Variants in FARS2 observed in about 807,000 individuals in gnomAD.
FARS2 encodes phenylalanyl-tRNA synthetase 2, mitochondrial.
Under a neutral mutation model 46.4 loss-of-function variants are expected in FARS2, and 40 were observed. The ratio of observed to expected loss-of-function variants is 0.86; its 90% CI spans 0.67 to 1.12. The LOEUF (loss-of-function observed/expected upper bound fraction) is 1.12, where lower values mean the gene tolerates loss of function less well. FARS2 is among the 50% of genes most tolerant of loss of function. The probability of loss-of-function intolerance (pLI) is 0.00; values close to 1 mark genes in which losing one functional copy is unlikely to be tolerated. For missense variants in FARS2, 513 were observed against 567.9 expected (o/e 0.90, Z 0.98); for synonymous variants, 234 against 214.9 (o/e 1.09, Z -0.78).
intron 1 of FARS2, among the ~76,000 whole-genome samples, chr6:5,360,372 T>A (rs1394361544): frequency 6.6e-6 from 1 of 152,218 alleles, no homozygotes. Context: ...AACAATCAAA[T>A]GAATGGCTCC....
chr6:5,618,589 A>G (rs1468536321), intron 6 of FARS2, among the ~76,000 whole-genome samples: 1 of 152,200 alleles, frequency 6.6e-6, no homozygotes, highest in African/African-American at 2.4e-5. Flanking sequence ...GCCTAATTTC[A>G]TAATATTAGA....
In FARS2 at chr6:5,630,434, T is replaced by C. The variant is rs529802812; in HGVS notation, c.1217+17114T>C. Among the ~76,000 whole-genome samples, 1 of 152,354 alleles carries C rather than the reference T, an allele frequency of 6.6e-6. No individual in the cohort carries two copies. Among genetic ancestry groups the C allele is most frequent in the South Asian group, 2.1e-4 (1 of 4,826 alleles). On this transcript the variant is annotated intron_variant, in intron 6 of 6. Coordinates refer to ENST00000274680, the MANE Select transcript of FARS2 (RefSeq NM_006567.5). This position sits in a 1 kb window ranked among gnomAD's most constrained non-coding sequence, Gnocchi z 4.2. The stretch of plus-strand genomic sequence containing the variant: ...TTAAATATCCCACCCGTTGTGTCTT[T>C]ACTTGTATTTATTCCACAAATGTTC...
intron 1 of FARS2, among the ~76,000 whole-genome samples, chr6:5,303,274 G>A (rs944105584): frequency 2.0e-5 from 3 of 152,168 alleles, no homozygotes; most frequent in African/African-American, 7.2e-5. Context: ...GTATAAAGAG[G>A]TGCCTGGACA....
At chr6:5,546,358 C>A (rs1369229320) in intron 5 of FARS2, among the ~76,000 whole-genome samples, 2 of 149,292 alleles carry the variant, frequency 1.3e-5, no homozygotes, top group Non-Finnish European at 3.0e-5. Flanking sequence ...TCAAGCAATT[C>A]TCCTGCCTCA....
intron 6 of FARS2, among the ~76,000 whole-genome samples, chr6:5,741,806 AC>A (rs148149996): frequency 6.6e-6 from 1 of 151,600 alleles, no homozygotes; most frequent in African/African-American, 2.4e-5. Context: ...ACATGCCACC[AC>A]CCCCAGTTAA....
At chr6:5,478,455 C>T (rs1333959007) in intron 4 of FARS2, among the ~76,000 whole-genome samples, 1 of 152,178 alleles carries the variant, frequency 6.6e-6, no homozygotes, top group African/African-American at 2.4e-5. Context: ...GAAGCTTAGG[C>T]ACAGAGAGGT....
chr6:5,672,957 A>G (rs1778555969), intron 6 of FARS2, among the ~76,000 whole-genome samples: 1 of 152,142 alleles, frequency 6.6e-6, no homozygotes, highest in African/African-American at 2.4e-5. Context: ...CACCCTAGCC[A>G]TTTGTTAGGG....
chr6:5,487,648 T>C (rs1766855973), intron 4 of FARS2, among the ~76,000 whole-genome samples: 1 of 152,188 alleles, frequency 6.6e-6, no homozygotes, highest in Admixed American at 6.5e-5. Flanking sequence ...GCAGATTCTG[T>C]GGTCTCCCCA....
intron 6 of FARS2, among the ~76,000 whole-genome samples, chr6:5,648,751 CACT>C (rs1282939658): frequency 5.9e-5 from 9 of 152,058 alleles, no homozygotes; most frequent in Admixed American, 3.3e-4. Context: ...AATTCAATTC[CACT>C]ACTATTTTTA....
chr6:5,573,366 C>A (rs1371435111), intron 5 of FARS2, among the ~76,000 whole-genome samples: 2 of 152,226 alleles, frequency 1.3e-5, no homozygotes, highest in Non-Finnish European at 2.9e-5. Flanking sequence ...AGCCAGCCAG[C>A]CCTCTTTCCC....
chr6:5,529,514 G>T (rs1239024723), intron 4 of FARS2, among the ~76,000 whole-genome samples: 2 of 152,106 alleles, frequency 1.3e-5, no homozygotes, highest in Non-Finnish European at 2.9e-5. Flanking sequence ...TACCATGTTG[G>T]CCAGGATGGT....
chr6:5,326,761 A>G lies in FARS2; in HGVS notation c.-21-41789A>G, dbSNP rs188846232. The stretch of plus-strand genomic sequence containing the variant: ...GGCATCTCCATGTGCCAGTGTCATC[A>G]GATGGTCATCACAGTGGGTTGTGGG... On this transcript the variant is annotated intron_variant, in intron 1 of 6. Transcript: ENST00000274680. 4.7e-4 allele frequency among the ~76,000 whole-genome samples: 71 copies of G among 152,332 alleles called. 2 individuals carry two copies. Among genetic ancestry groups the G allele is most frequent in the Admixed American group, 4.0e-3 (61 of 15,314 alleles).
intron 4 of FARS2, among the ~76,000 whole-genome samples, chr6:5,512,733 C>A (rs1768532569): frequency 6.6e-6 from 1 of 151,984 alleles, no homozygotes; most frequent in South Asian, 2.1e-4. Context: ...AACACAAACA[C>A]TTTCATGCAT....
chr6:5,285,654 A>G (rs1246287231), intron 1 of FARS2, among the ~76,000 whole-genome samples: 1 of 152,178 alleles, frequency 6.6e-6, no homozygotes, highest in Non-Finnish European at 1.5e-5. Context: ...TAGCAGTTCC[A>G]TATCAGCAGC....
intron 4 of FARS2, 50 bp downstream of exon 4, chr6:5,431,222 C>T: frequency 6.3e-7 from 1 of 1,593,914 alleles, no homozygotes. Context: ...AGGAACCCTC[C>T]CTTCTCAGGC....
intron 6 of FARS2, among the ~76,000 whole-genome samples, chr6:5,676,108 G>A (rs556659396): frequency 6.6e-6 from 1 of 152,214 alleles, no homozygotes; most frequent in Admixed American, 6.5e-5. Context: ...AAAACAACCT[G>A]ACTCAAGTTT....
intron 1 of FARS2, among the ~76,000 whole-genome samples, chr6:5,348,247 G>A (rs532682982): frequency 1.3e-5 from 2 of 151,994 alleles, no homozygotes; most frequent in East Asian, 3.9e-4. Flanking sequence ...CCACTCCAAG[G>A]TATGAAAGCA....
chr6:5,411,099 C>G (rs538293918), intron 3 of FARS2, among the ~76,000 whole-genome samples: 1 of 152,032 alleles, frequency 6.6e-6, no homozygotes, highest in African/African-American at 2.4e-5. Context: ...CATGATGTCC[C>G]CCTGGCCAAA....
At position 5,355,706 on chromosome 6, in the gene FARS2, TAC is replaced by T. The variant is rs373313745; in HGVS notation, c.-21-12830_-21-12829del. On this transcript the variant is annotated intron_variant, in intron 1 of 6. Transcript: ENST00000274680. ...CTGAGCAGTGGTCATAATATTCACA[TAC>T]ACACACACACACAGACACACATGCA... Among the ~76,000 whole-genome samples, 540 of 150,750 alleles carry T rather than the reference TAC, an allele frequency of 3.6e-3. 3 individuals carry two copies. The highest frequency in any genetic ancestry group is 0.012 in the African/African-American group (481 of 41,228).
Sources: allele counts gnomAD v4.1 joint callset (sites outside exome capture counted in the v4.1 genomes callset), GRCh38; gene constraint gnomAD v4.1.1; non-coding constraint Gnocchi (gnomAD v3.1); transcripts MANE v1.5; gene names NCBI Gene and HGNC (gene_info 2026-07-23, HGNC 2026-07-21).